CENPP: variants seen among roughly 807,000 people sequenced by gnomAD.
CENPP encodes centromere protein P.
CENPP carries 24 observed loss-of-function variants against 35.6 expected under a neutral mutation model. The observed-to-expected ratio is 0.67, with a 90% confidence interval of 0.49 to 0.95. The LOEUF (loss-of-function observed/expected upper bound fraction) is 0.95, where lower values mean the gene tolerates loss of function less well. CENPP is among the 40% of genes least tolerant of loss of function. The probability of loss-of-function intolerance (pLI) is 0.00; values close to 1 mark genes in which losing one functional copy is unlikely to be tolerated. For synonymous variants in CENPP, 120 were observed against 125.5 expected (o/e 0.96, Z 0.29); for missense variants, 332 against 345.3 (o/e 0.96, Z 0.31).
chr9:92,533,649 C>A (rs1848996512), intron 5 of CENPP, among the ~76,000 whole-genome samples: 2 of 151,850 alleles, frequency 1.3e-5, no homozygotes, highest in Non-Finnish European at 2.9e-5. Flanking sequence ...AGGAGAAGCT[C>A]CCTCAGATTC....
chr9:92,599,949 G>A (rs1393530564), intron 5 of CENPP, among the ~76,000 whole-genome samples: 1 of 152,160 alleles, frequency 6.6e-6, no homozygotes, highest in Admixed American at 6.5e-5. Context: ...GGGACCAGTG[G>A]GACCCACCTC....
intron 1 of CENPP, among the ~76,000 whole-genome samples, chr9:92,331,470 G>T (rs945833688): frequency 1.3e-5 from 2 of 152,210 alleles, no homozygotes; most frequent in Non-Finnish European, 1.5e-5. Flanking sequence ...GTGAGCCACG[G>T]CGCCTGGCCT....
At chr9:92,519,387 A>G (rs1236063125) in intron 5 of CENPP, among the ~76,000 whole-genome samples, 2 of 152,202 alleles carry the variant, frequency 1.3e-5, no homozygotes, top group Non-Finnish European at 2.9e-5. Flanking sequence ...ACAAAGTTGG[A>G]GATCTCACAC....
At chr9:92,580,852 T>C (rs1265876994) in intron 5 of CENPP, among the ~76,000 whole-genome samples, 1 of 152,260 alleles carries the variant, frequency 6.6e-6, no homozygotes, top group African/African-American at 2.4e-5. Flanking sequence ...AGCTTTTGAA[T>C]GTGTTTGCTC....
intron 5 of CENPP, among the ~76,000 whole-genome samples, chr9:92,588,343 G>T (rs1392553620): frequency 6.6e-6 from 1 of 151,600 alleles, no homozygotes; most frequent in Admixed American, 6.6e-5. Context: ...CTGTCTCCAG[G>T]TTCACACCAT....
At chr9:92,388,371 A>G (rs1842522417) in intron 5 of CENPP, among the ~76,000 whole-genome samples, 1 of 151,594 alleles carries the variant, frequency 6.6e-6, no homozygotes, top group Non-Finnish European at 1.5e-5. Context: ...CATGTTGGCC[A>G]GGCTGGTCCT....
At chr9:92,507,683 C>T (rs982767917) in intron 5 of CENPP, among the ~76,000 whole-genome samples, 4 of 152,202 alleles carry the variant, frequency 2.6e-5, no homozygotes, top group African/African-American at 9.7e-5. Context: ...GAGCAGCCTC[C>T]AGGGCTCCTG....
intron 3 of CENPP, among the ~76,000 whole-genome samples, chr9:92,344,052 A>G (rs2130800376): frequency 6.6e-6 from 1 of 152,036 alleles, no homozygotes; most frequent in East Asian, 1.9e-4. Context: ...GTAGAGGAGA[A>G]TGAGAACTGT....
chr9:92,552,330 AATG>A (rs1288843476), intron 5 of CENPP, among the ~76,000 whole-genome samples: 4 of 151,992 alleles, frequency 2.6e-5, no homozygotes, highest in African/African-American at 4.8e-5. Context: ...TTTTTCGAAT[AATG>A]ATTTATTTTC....
At chr9:92,490,041 G>C (rs1188846404) in intron 5 of CENPP, among the ~76,000 whole-genome samples, 3 of 152,202 alleles carry the variant, frequency 2.0e-5, no homozygotes, top group Non-Finnish European at 4.4e-5. Flanking sequence ...TGGAAGCCTT[G>C]AGCGAGTTAA....
intron 5 of CENPP, chr9:92,416,586 T>C: frequency 7.8e-7 from 1 of 1,282,410 alleles, no homozygotes; most frequent in Non-Finnish European, 1.1e-6. Flanking sequence ...TTCCATTCTT[T>C]CTCTCTTCAA....
At chr9:92,372,376 T>G (rs1030577059) in intron 4 of CENPP, among the ~76,000 whole-genome samples, 13 of 152,142 alleles carry the variant, frequency 8.5e-5, no homozygotes, top group Non-Finnish European at 1.8e-4. Flanking sequence ...TATTGATATA[T>G]GAGGCTTTGT....
intron 5 of CENPP, among the ~76,000 whole-genome samples, chr9:92,432,306 CAA>C (rs1239316160): frequency 6.7e-6 from 1 of 149,678 alleles, no homozygotes; most frequent in Non-Finnish European, 1.5e-5. Flanking sequence ...GCCTGGGCGA[CAA>C]GAGCGAAACT....
At chr9:92,542,970 G>T (rs1849349398) in intron 5 of CENPP, among the ~76,000 whole-genome samples, 2 of 152,112 alleles carry the variant, frequency 1.3e-5, no homozygotes, top group African/African-American at 4.8e-5. Context: ...ATTTATTGAA[G>T]AAACTCTTCT....
At chr9:92,612,932 T>G (rs571574429) in intron 7 of CENPP, 87 bp from the exon 8 acceptor site, 3 of 1,512,134 alleles carry the variant, frequency 2.0e-6, no homozygotes, top group Non-Finnish European at 2.7e-6. Context: ...GAGTGCGGGG[T>G]CTTGGTGAGG....
intron 5 of CENPP, among the ~76,000 whole-genome samples, chr9:92,567,460 C>G (rs1277884682): frequency 6.8e-6 from 1 of 147,132 alleles, no homozygotes; most frequent in African/African-American, 2.5e-5. Context: ...AAACATTTAT[C>G]ATTTCTTTGT....
In CENPP at chr9:92,523,709, AG is replaced by A. The variant is rs375129580; in HGVS notation, c.565-87604del. On this transcript the variant is annotated intron_variant, in intron 5 of 7. Coordinates refer to ENST00000375587, the MANE Select transcript of CENPP (RefSeq NM_001012267.3). ...AAACAGCATATCTTTAACTTATTGG[AG>A]AGTAGCTAGTAGGAGCGGGCTTAAC... 6.3e-3 allele frequency among the ~76,000 whole-genome samples: 960 copies of A among 152,284 alleles called. 9 individuals are homozygous for A. Among genetic ancestry groups the A allele is most frequent in the African/African-American group, 0.022 (922 of 41,542 alleles).
chr9:92,415,022 A>T, intron 5 of CENPP: 3 of 650,514 alleles, frequency 4.6e-6, no homozygotes, highest in Non-Finnish European at 7.3e-6. Context: ...CAACAACTTA[A>T]ATTCAATTCT....
intron 5 of CENPP, among the ~76,000 whole-genome samples, chr9:92,590,735 A>G (rs891886184): frequency 2.6e-5 from 4 of 152,216 alleles, no homozygotes; most frequent in African/African-American, 9.7e-5. Flanking sequence ...ATGTTTCTTC[A>G]ACTGTCATTT....
Sources: gnomAD v4.1 joint callset for allele counts (sites outside exome capture counted in the v4.1 genomes callset) on GRCh38, gnomAD v4.1.1 for gene constraint, MANE v1.5 for transcripts, NCBI Gene and HGNC (gene_info 2026-07-23, HGNC 2026-07-21) for gene names.